The following TTC23L variants were observed in gnomAD, a reference collection of about 807,000 sequenced individuals.
TTC23L encodes the protein tetratricopeptide repeat protein 23-like.
In TTC23L, 42 loss-of-function variants were observed where a neutral mutation model predicts 48.1. The ratio of observed to expected loss-of-function variants is 0.87; its 90% CI spans 0.68 to 1.13. The LOEUF is 1.13. TTC23L is among the 50% of genes most tolerant of loss of function. The pLI is 0.00. For synonymous variants in TTC23L, 159 were observed against 157.2 expected (o/e 1.01, Z -0.09); for missense variants, 391 against 421.0 (o/e 0.93, Z 0.62).
At chr5:34,887,765 ATAAT>A (rs954549482) in intron 9 of TTC23L, among the ~76,000 whole-genome samples, 28 of 152,340 alleles carry the variant, frequency 1.8e-4, no homozygotes, top group South Asian at 2.1e-4. Context: ...ATTCAGCCAA[ATAAT>A]TGTATGTATT....
At chr5:34,919,423 A>G in the TTC23L span, among the ~76,000 whole-genome samples, 2 of 151,928 alleles carry the variant, frequency 1.3e-5, no homozygotes, top group African/African-American at 4.8e-5. Context: ...TTTAGATTCA[A>G]GGAGTATATG....
At chr5:34,874,321 A>G (rs1301361963) in intron 8 of TTC23L, among the ~76,000 whole-genome samples, 4 of 152,336 alleles carry the variant, frequency 2.6e-5, no homozygotes, top group African/African-American at 9.6e-5. Flanking sequence ...TGATCATAAA[A>G]TAAAAAACTC....
At chr5:34,881,570 G>C (rs973263305) in intron 9 of TTC23L, among the ~76,000 whole-genome samples, 1 of 152,098 alleles carries the variant, frequency 6.6e-6, no homozygotes, top group Non-Finnish European at 1.5e-5. Flanking sequence ...TAAGAGTAGA[G>C]TTACAGGCAC....
chr5:34,917,019 T>G, the TTC23L span, among the ~76,000 whole-genome samples: 1 of 152,310 alleles, frequency 6.6e-6, no homozygotes, highest in East Asian at 1.9e-4. Flanking sequence ...GCAGGAGATA[T>G]AGATTATTTT....
chr5:34,899,884 G>A (rs1490025857), downstream of TTC23L, among the ~76,000 whole-genome samples: 1 of 151,728 alleles, frequency 6.6e-6, no homozygotes, highest in Non-Finnish European at 1.5e-5. Context: ...TAGAGACTGC[G>A]TCTCAAAAAA....
At chr5:34,907,870 A>C in the TTC23L span, 1 of 152,204 alleles carries the variant, frequency 6.6e-6, no homozygotes, top group Non-Finnish European at 1.5e-5. Context: ...CATACAATTA[A>C]ATGCTATTAA....
downstream of TTC23L, among the ~76,000 whole-genome samples, chr5:34,904,143 A>T (rs367731526): frequency 0.026 from 3,929 of 150,286 alleles, 66 homozygotes; most frequent in Non-Finnish European, 0.035. Flanking sequence ...AAAAAAAAAA[A>T]TTTTTTTTAG....
the TTC23L span, chr5:34,919,933 G>T: frequency 2.9e-6 from 2 of 687,008 alleles, no homozygotes; most frequent in South Asian, 3.8e-5. Flanking sequence ...TGTTAACAGT[G>T]GCTTATTTCA....
At chr5:34,912,513 G>T in the TTC23L span, among the ~76,000 whole-genome samples, 1 of 151,648 alleles carries the variant, frequency 6.6e-6, no homozygotes, top group African/African-American at 2.4e-5. Context: ...TAATAATAGT[G>T]GAATTGTCTG....
intron 2 of TTC23L, 35 bp downstream of exon 2, chr5:34,840,774 T>C (rs1174627850): frequency 1.9e-6 from 3 of 1,598,272 alleles, no homozygotes; most frequent in Middle Eastern, 1.6e-4. Context: ...CACAGGTACT[T>C]ACTGGGCTGA....
At chr5:34,901,482 G>T (rs1763509685), downstream of TTC23L, among the ~76,000 whole-genome samples, 1 of 152,184 alleles carries the variant, frequency 6.6e-6, no homozygotes, top group Admixed American at 6.5e-5. Context: ...ACTGGGGACG[G>T]CCGGGCATGG....
At chr5:34,856,379 C>G (rs1469042971) in intron 4 of TTC23L, among the ~76,000 whole-genome samples, 4 of 152,164 alleles carry the variant, frequency 2.6e-5, no homozygotes, top group Non-Finnish European at 5.9e-5. Flanking sequence ...CAAAAACCTC[C>G]CCCCATCCAG....
intron 2 of TTC23L, among the ~76,000 whole-genome samples, chr5:34,842,990 G>T (rs1195556586): frequency 6.6e-6 from 1 of 152,078 alleles, no homozygotes; most frequent in African/African-American, 2.4e-5. Flanking sequence ...TATTTTTTAG[G>T]AGATACAGGG....
the TTC23L span, chr5:34,911,795 G>C: frequency 1.9e-6 from 3 of 1,614,112 alleles, no homozygotes; most frequent in South Asian, 3.3e-5. Context: ...TAACACATTC[G>C]AAGTGCAGTT....
At chr5:34,886,803 C>A (rs1010254304) in intron 9 of TTC23L, among the ~76,000 whole-genome samples, 1 of 152,140 alleles carries the variant, frequency 6.6e-6, no homozygotes, top group Non-Finnish European at 1.5e-5. Context: ...AAGAGTAACA[C>A]CCTAATCTTG....
chr5:34,844,547 G>A (rs1000604520), intron 2 of TTC23L, among the ~76,000 whole-genome samples: 3 of 139,268 alleles, frequency 2.2e-5, no homozygotes, highest in African/African-American at 8.1e-5. Context: ...TAAGCTTTTT[G>A]TGCTTTTCTG....
At chr5:34,907,860 C>CA in the TTC23L span, 179 of 152,284 alleles carry the variant, frequency 1.2e-3, no homozygotes, top group African/African-American at 4.2e-3. Flanking sequence ...GCAATCATCT[C>CA]ATACAATTAA....
intron 2 of TTC23L, among the ~76,000 whole-genome samples, chr5:34,842,193 C>G (rs1397749911): frequency 6.6e-6 from 1 of 152,136 alleles, no homozygotes; most frequent in Non-Finnish European, 1.5e-5. Flanking sequence ...TCAATATATA[C>G]AAAATATGCT....
chr5:34,915,330 A>G, the TTC23L span: 12 of 249,076 alleles, frequency 4.8e-5, no homozygotes, highest in Middle Eastern at 1.4e-3. Flanking sequence ...TAATCCTCCA[A>G]GAGTCCCAGA....
Sources: allele counts gnomAD v4.1 joint callset (sites outside exome capture counted in the v4.1 genomes callset), GRCh38; gene constraint gnomAD v4.1.1; transcripts MANE v1.5; gene names NCBI Gene and HGNC (gene_info 2026-07-23, HGNC 2026-07-21).